Variants in UNC79 observed in about 807,000 individuals in gnomAD.
UNC79 encodes unc-79 subunit of NALCN channel complex.
In UNC79, 37 loss-of-function variants were observed where a neutral mutation model predicts 283.1. That is an observed-to-expected ratio of 0.13 (90% CI 0.10 to 0.17). UNC79 has a LOEUF of 0.17. UNC79 is among the 10% of genes least tolerant of loss of function. UNC79 has a pLI of 1.00. For synonymous variants in UNC79, 1,107 were observed against 1,200.2 expected, an observed-to-expected ratio of 0.92 and a Z score of 1.61; for missense variants, 2,272 against 3,211.1, an observed-to-expected ratio of 0.71 and a Z score of 7.07.
At chr14:93,607,158 A>C (rs924173465) in intron 26 of UNC79, among the ~76,000 whole-genome samples, 1 of 152,218 alleles carries the variant, frequency 6.6e-6, no homozygotes, top group Non-Finnish European at 1.5e-5. Flanking sequence ...TTTTGTCTTC[A>C]TATATTTAGA....
intron 1 of UNC79, among the ~76,000 whole-genome samples, chr14:93,406,988 C>G (rs2055239393): frequency 6.6e-6 from 1 of 152,058 alleles, no homozygotes; most frequent in African/African-American, 2.4e-5. Flanking sequence ...TCATTTTTTC[C>G]TTGCTTCTGG....
chr14:93,595,931 T>A (rs1005694421), intron 23 of UNC79, among the ~76,000 whole-genome samples: 2 of 152,056 alleles, frequency 1.3e-5, no homozygotes, highest in Non-Finnish European at 2.9e-5. Context: ...TATGTGTGCT[T>A]AATATATATA....
chr14:93,387,780 CA>C (rs1230977391), intron 1 of UNC79, among the ~76,000 whole-genome samples: 1 of 152,140 alleles, frequency 6.6e-6, no homozygotes, highest in Non-Finnish European at 1.5e-5. Flanking sequence ...AGATTAAGTA[CA>C]ATGTTTCTTT....
intron 41 of UNC79, among the ~76,000 whole-genome samples, chr14:93,675,321 C>T (rs150953514): frequency 3.3e-5 from 5 of 152,238 alleles, no homozygotes; most frequent in Non-Finnish European, 5.9e-5. Flanking sequence ...ACCTAGGAGA[C>T]GGAGGAAGGC....
intron 32 of UNC79, among the ~76,000 whole-genome samples, chr14:93,638,802 C>T (rs1005709566): frequency 6.6e-6 from 1 of 152,186 alleles, no homozygotes; most frequent in Admixed American, 6.5e-5. Flanking sequence ...TGAAGTATAA[C>T]AACGGTGGCT....
chr14:93,549,105 C>A (rs1001911219), intron 14 of UNC79, among the ~76,000 whole-genome samples: 39 of 152,152 alleles, frequency 2.6e-4, no homozygotes, highest in African/African-American at 8.4e-4. Context: ...TTATGATCAG[C>A]AATTAATGTG....
At chr14:93,357,800 GAT>G (rs1301897296) in intron 1 of UNC79, among the ~76,000 whole-genome samples, 16 of 104,718 alleles carry the variant, frequency 1.5e-4, no homozygotes, top group Non-Finnish European at 2.2e-4. Flanking sequence ...TATATATATG[GAT>G]ATATGGATAT....
At chr14:93,507,872 G>A (rs1316369506) in intron 7 of UNC79, among the ~76,000 whole-genome samples, 1 of 151,982 alleles carries the variant, frequency 6.6e-6, no homozygotes, top group East Asian at 1.9e-4. Context: ...TAATTTTTGT[G>A]TATGATGGCT....
At chr14:93,334,525 C>T (rs1004313109) in intron 1 of UNC79, 4 of 152,264 alleles carry the variant, frequency 2.6e-5, no homozygotes, top group African/African-American at 7.2e-5. Flanking sequence ...ATGATTACCT[C>T]TGAGTGTCCA....
intron 40 of UNC79, among the ~76,000 whole-genome samples, chr14:93,663,536 T>C (rs977779159): frequency 1.3e-5 from 2 of 152,222 alleles, no homozygotes; most frequent in Admixed American, 1.3e-4. Flanking sequence ...TTTATTTTCC[T>C]CATAAAAATC....
At chr14:93,405,944 T>C (rs1452607414) in intron 1 of UNC79, among the ~76,000 whole-genome samples, 1 of 152,192 alleles carries the variant, frequency 6.6e-6, no homozygotes, top group African/African-American at 2.4e-5. Flanking sequence ...ACTATCCTGG[T>C]TGGTCCAGGA....
chr14:93,354,620 C>T (rs1018496698), intron 1 of UNC79, among the ~76,000 whole-genome samples: 1 of 152,158 alleles, frequency 6.6e-6, no homozygotes, highest in Non-Finnish European at 1.5e-5. Context: ...ACCTCAGTCC[C>T]TTGAGTAGCT....
In UNC79 at chr14:93,617,008, T is replaced by C. The variant is rs2066782087; in HGVS notation, c.4042-114T>C. On this transcript the variant is annotated intron_variant, in intron 27 of 48. Transcript: ENST00000555664. This position sits in a 1 kb window ranked among gnomAD's most constrained non-coding sequence, Gnocchi z 4.5. ...TTTTAATATTCTGTGGGATGCCTGT[T>C]AAATATTTTGCCTGTTAAAAATTTT... 10 of 886,306 alleles carry C rather than the reference T, an allele frequency of 1.1e-5. No individual in the cohort carries two copies. In the East Asian group the frequency reaches 2.6e-4, roughly 23 times the overall value. 54.9% of individuals were successfully genotyped at this position (886,306 alleles called of 1,614,324 possible).
chr14:93,449,622 A>C (rs1161442293), intron 1 of UNC79, among the ~76,000 whole-genome samples: 1 of 151,952 alleles, frequency 6.6e-6, no homozygotes, highest in African/African-American at 2.4e-5. Context: ...TGTCTCTAAA[A>C]AAAAAAAAAG....
At chr14:93,444,124 A>G (rs1318297499) in intron 1 of UNC79, among the ~76,000 whole-genome samples, 2 of 152,166 alleles carry the variant, frequency 1.3e-5, no homozygotes, top group Admixed American at 6.5e-5. Context: ...TTCACAGTCT[A>G]TTTAACTTTA....
chr14:93,480,300 G>A (rs1328565261), intron 4 of UNC79, among the ~76,000 whole-genome samples: 2 of 152,074 alleles, frequency 1.3e-5, no homozygotes, highest in African/African-American at 2.4e-5. Flanking sequence ...TGTTCCCAAG[G>A]TCCCATTTTT....
At chr14:93,655,176 G>A (rs2070784619) in intron 37 of UNC79, 58 bp from the exon 41 acceptor site, 1 of 1,579,074 alleles carries the variant, frequency 6.3e-7, no homozygotes, top group Non-Finnish European at 8.6e-7. Context: ...TTACCAAATA[G>A]CGCTATGCAT....
intron 7 of UNC79, among the ~76,000 whole-genome samples, chr14:93,497,737 T>C (rs529680164): frequency 5.9e-5 from 9 of 152,244 alleles, no homozygotes; most frequent in South Asian, 2.1e-4. Flanking sequence ...CCTGTAATAC[T>C]AGCACTTTGG....
intron 5 of UNC79, among the ~76,000 whole-genome samples, chr14:93,494,737 G>A (rs1215153590): frequency 6.6e-6 from 1 of 152,188 alleles, no homozygotes; most frequent in Admixed American, 6.5e-5. Flanking sequence ...TAATGGCCCA[G>A]TGGAAGAGGA....
Sources: allele counts gnomAD v4.1 joint callset (sites outside exome capture counted in the v4.1 genomes callset), GRCh38; gene constraint gnomAD v4.1.1; non-coding constraint Gnocchi (gnomAD v3.1); transcripts MANE v1.5; gene names NCBI Gene and HGNC (gene_info 2026-07-23, HGNC 2026-07-21).